Variants in ITGA4 observed in about 807,000 individuals in gnomAD.
ITGA4 encodes integrin subunit alpha 4.
A neutral mutation model predicts 133.6 loss-of-function variants in ITGA4; 63 were observed. That is an observed-to-expected ratio of 0.47 (90% CI 0.38 to 0.58). ITGA4 has a LOEUF of 0.58. ITGA4 is among the 20% of genes least tolerant of loss of function. ITGA4 has a pLI of 0.00. For synonymous variants in ITGA4, 483 were observed against 438.0 expected (o/e 1.10, Z -1.28); for missense variants, 1,076 against 1,252.7 (o/e 0.86, Z 2.13).
At chr2:181,457,950 A>G (rs954440582) in intron 1 of ITGA4, 99 bp downstream of exon 1, 15 of 1,204,662 alleles carry the variant, frequency 1.2e-5, no homozygotes, top group Non-Finnish European at 1.6e-5. Context: ...CTCCCTCCCA[A>G]GGAGGCAGGA....
Position 181,535,691 on chromosome 2 carries a change from A to ACC in ITGA4, c.*165_*166insCC, listed in dbSNP as rs1375655382. On this transcript the variant is annotated 3_prime_UTR_variant, in exon 28 of 28. Coordinates refer to ENST00000397033, the MANE Select transcript of ITGA4 (RefSeq NM_000885.6). ...CAAGGGGAAAATCTCAGCAATGATT[A>ACC]CTCTTTGAGATAGAAGAACTGCAAA... 9 of 805,312 alleles carry ACC rather than the reference A, an allele frequency of 1.1e-5. No homozygotes were observed. In the East Asian group the frequency reaches 2.3e-4, roughly 21 times the overall value. 49.9% of individuals were successfully genotyped at this position (805,312 alleles called of 1,614,324 possible).
At position 181,504,810 on chromosome 2, in the gene ITGA4, G is replaced by A. The variant is rs151097376; in HGVS notation, c.1696-4848G>A. On this transcript the variant is annotated intron_variant, in intron 15 of 27. Coordinates refer to ENST00000397033, the MANE Select transcript of ITGA4 (RefSeq NM_000885.6). ...AATTCTATAAGAAAAATCTGAGAAT[G>A]TTCTATTGGTATAATGGTTAGGGCA... Among the ~76,000 whole-genome samples, 828 of 152,016 alleles carry A rather than the reference G, an allele frequency of 5.4e-3. 7 individuals carry two copies. The highest frequency in any genetic ancestry group is 0.019 in the African/African-American group (783 of 41,480).
intron 16 of ITGA4, among the ~76,000 whole-genome samples, chr2:181,510,699 T>C (rs994866617): frequency 2.7e-5 from 3 of 109,686 alleles, no homozygotes; most frequent in African/African-American, 1.1e-4. Flanking sequence ...GAAGAGCAGA[T>C]TTTTCTCTAC....
At chr2:181,476,762 A>G (rs1039478539) in intron 4 of ITGA4, among the ~76,000 whole-genome samples, 3 of 152,186 alleles carry the variant, frequency 2.0e-5, no homozygotes, top group African/African-American at 7.2e-5. Context: ...TGTGATACAT[A>G]CACACTGTAG....
chr2:181,509,741 A>G lies in ITGA4; in HGVS notation c.1779A>G (p.Thr593=), dbSNP rs750238517. Residue 593 remains threonine (T), a synonymous_variant, in exon 16 of 28, where the codon ACA becomes ACG. Coordinates refer to ENST00000397033, the MANE Select transcript of ITGA4 (RefSeq NM_000885.6). ...CTCATGTCATCAGTAAACGAAGTAC[A>G]GAGGAATTCCCACCACTTCAGCCAA... The part of the protein sequence containing the change: ...LGPHVISKRS[T]EEFPPLQPIL... The G allele has an allele frequency of 1.9e-6, 3 of 1,611,460 alleles. No individual in the cohort carries two copies. Among genetic ancestry groups the G allele is most frequent in the Non-Finnish European group, 2.5e-6 (3 of 1,178,278 alleles).
intron 21 of ITGA4, among the ~76,000 whole-genome samples, chr2:181,525,742 C>A (rs1420388828): frequency 6.6e-6 from 1 of 152,158 alleles, no homozygotes; most frequent in Non-Finnish European, 1.5e-5. Flanking sequence ...AGAGATCTGG[C>A]TGCAAGGTGT....
intron 2 of ITGA4, among the ~76,000 whole-genome samples, chr2:181,470,120 G>A (rs905795155): frequency 6.6e-6 from 1 of 152,020 alleles, no homozygotes; most frequent in Non-Finnish European, 1.5e-5. Flanking sequence ...GGGAACCCTT[G>A]CCCACTGTTG....
At chr2:181,494,860 A>G (rs775229906) in intron 12 of ITGA4, 48 bp downstream of exon 12, 7 of 949,084 alleles carry the variant, frequency 7.4e-6, no homozygotes, top group Admixed American at 3.4e-5. Context: ...AAGCTCTATC[A>G]TAGATACTGC....
In ITGA4 at chr2:181,535,936, A is replaced by AAATACATCTTTGATACT. The variant is rs1285020240; in HGVS notation, c.*410_*426dup. The AAATACATCTTTGATACT allele has an allele frequency of 6.5e-6, 1 of 152,816 alleles. No homozygotes were observed. Among genetic ancestry groups the AAATACATCTTTGATACT allele is most frequent in the Non-Finnish European group, 1.5e-5 (1 of 68,484 alleles). The allele number at this position is 152,816 out of a possible 1,614,324, so 9.5% of individuals were successfully genotyped here. ...CACTGGGTGGGCAGAGGTTCATTTC[A>AAATACATCTTTGATACT]AATACATCTTTGATACTTGTTCAAA... On this transcript the variant is annotated 3_prime_UTR_variant, in exon 28 of 28. Transcript: ENST00000397033.
At position 181,525,260 on chromosome 2, in the gene ITGA4, T is replaced by C; in HGVS notation, c.2308T>C (p.Leu770=). 9 of 1,604,312 alleles carry C rather than the reference T, an allele frequency of 5.6e-6. No individual in the cohort carries two copies. The highest frequency in any genetic ancestry group is 3.4e-6 in the Non-Finnish European group (4 of 1,171,604). Residue 770 remains leucine, a synonymous_variant, in exon 21 of 28, where the codon TTA becomes CTA. Coordinates refer to ENST00000397033, the MANE Select transcript of ITGA4 (RefSeq NM_000885.6). ...CAGCAGAGTGACTGTAGCAATACCT[T>C]TAAAATATGAGGTTAAGCTGACTGT... is the stretch of plus-strand genomic sequence containing the variant. ...KHSRVTVAIP[L]KYEVKLTVHG... is the part of the protein sequence containing the mutation.
rs562550753 is a variant in ITGA4 at position 181,497,234 on chromosome 2, A to G, written c.1540+1297A>G. ...TAGTGTTTCCTCTACTAACAATTCC[A>G]TTGTGACCAGATATTTTTAAAAATA... On this transcript the variant is annotated intron_variant, in intron 14 of 27. Transcript: ENST00000397033. 7.9e-5 allele frequency among the ~76,000 whole-genome samples: 12 copies of G among 152,336 alleles called. No individual in the cohort carries two copies. In the South Asian group the frequency reaches 2.1e-3, roughly 26 times the overall value.
intron 17 of ITGA4, among the ~76,000 whole-genome samples, chr2:181,513,836 C>T (rs529377495): frequency 1.3e-5 from 2 of 152,196 alleles, no homozygotes; most frequent in Non-Finnish European, 2.9e-5. Context: ...TAGGGGAAGC[C>T]CCCTGGTCTT....
At position 181,481,450 on chromosome 2, in the gene ITGA4, A is replaced by G. The variant is rs149714369; in HGVS notation, c.755-148A>G. On this transcript the variant is annotated intron_variant, in intron 6 of 27. Coordinates refer to ENST00000397033, the MANE Select transcript of ITGA4 (RefSeq NM_000885.6). ...TTGCATAAAACATAATGAATGACCA[A>G]TTTTGAGTATCTCTATGCTAAATAT... The G allele has an allele frequency of 4.4e-3, 1,550 of 348,988 alleles. 28 individuals are homozygous for G. Among genetic ancestry groups the G allele is most frequent in the African/African-American group, 0.03 (1,425 of 47,258 alleles). The allele number at this position is 348,988 out of a possible 1,614,324, so 21.6% of individuals were successfully genotyped here.
At chr2:181,481,224 A>G (rs1239146260) in intron 6 of ITGA4, among the ~76,000 whole-genome samples, 1 of 152,218 alleles carries the variant, frequency 6.6e-6, no homozygotes, top group Non-Finnish European at 1.5e-5. Flanking sequence ...TGGCAAAAAA[A>G]GTTGAACTTC....
rs935656965 is a variant in ITGA4 at position 181,535,015 on chromosome 2, ATT to A, written c.3003+82_3003+83del. The stretch of plus-strand genomic sequence containing the variant: ...GCCAATTTGACTTCCAAGTTATTAG[ATT>A]TAAATATTTCACTATTTGAATGTTA... On this transcript the variant is annotated intron_variant, in intron 27 of 27. Transcript: ENST00000397033. 6 of 1,418,064 alleles carry A rather than the reference ATT, an allele frequency of 4.2e-6. No homozygotes were observed. In the African/African-American group the frequency reaches 8.7e-5, roughly 21 times the overall value. 87.8% of individuals were successfully genotyped at this position (1,418,064 alleles called of 1,614,324 possible).
chr2:181,535,530 A>G lies in ITGA4; in HGVS notation c.*3A>G, dbSNP rs759005355. 6.3e-7 allele frequency: 1 copy of G among 1,598,126 alleles called. No individual in the cohort carries two copies. Among genetic ancestry groups the G allele is most frequent in the East Asian group, 2.2e-5 (1 of 44,592 alleles). On this transcript the variant is annotated 3_prime_UTR_variant, in exon 28 of 28. Coordinates refer to ENST00000397033, the MANE Select transcript of ITGA4 (RefSeq NM_000885.6). The stretch of plus-strand genomic sequence containing the variant: ...ACAGTAAAAGCAATGATGATTAAGG[A>G]CTTCTTTCAAATTGAGAGAATGGAA...
intron 2 of ITGA4, among the ~76,000 whole-genome samples, chr2:181,459,848 T>C (rs1475083765): frequency 5.3e-5 from 8 of 152,240 alleles, no homozygotes; most frequent in Non-Finnish European, 2.9e-5. Flanking sequence ...TTATAACTAC[T>C]GATATTTAGT....
At chr2:181,458,444 T>C (rs1685188382) in intron 2 of ITGA4, 127 bp downstream of exon 2, 1 of 1,076,072 alleles carries the variant, frequency 9.3e-7, no homozygotes, top group South Asian at 1.5e-5. Flanking sequence ...AAGTTTTCAG[T>C]TTCAACTCCA....
chr2:181,493,182 T>TG, intron 10 of ITGA4, 143 bp from the exon 11 acceptor site: 1 of 595,422 alleles, frequency 1.7e-6, no homozygotes, highest in Admixed American at 3.2e-5. Flanking sequence ...TAGTATTTTA[T>TG]TTTTTTCTGT....
Sources: allele counts gnomAD v4.1 joint callset (sites outside exome capture counted in the v4.1 genomes callset), GRCh38; gene constraint gnomAD v4.1.1; transcripts MANE v1.5; gene names NCBI Gene and HGNC (gene_info 2026-07-23, HGNC 2026-07-21).